ACTR5: variants seen among roughly 807,000 people sequenced by gnomAD.
ACTR5 encodes actin-related protein 5.
ACTR5 carries 43 observed loss-of-function variants against 61.2 expected under a neutral mutation model. The observed-to-expected ratio is 0.70, with a 90% CI of 0.55 to 0.91. ACTR5 has a LOEUF of 0.91. Ranked by LOEUF, ACTR5 falls within the 40% of genes least tolerant of loss-of-function variation. ACTR5 has a pLI of 0.00. For synonymous variants in ACTR5, 333 were observed against 310.5 expected (o/e 1.07, Z -0.76); for missense variants, 798 against 782.2 (o/e 1.02, Z -0.24).
At position 38,752,152 on chromosome 20, in the gene ACTR5, G is replaced by A; in HGVS notation, c.627G>A (p.Lys209=). ...ATAGATTAGATGCTAAAAACTGCAA[G>A]CGCATCAATCTTGGAGGAAGCCAAG... ...LEGRLDAKNC[K]RINLGGSQAA... is the part of the protein sequence containing the mutation. Residue 209 remains lysine, a synonymous_variant, in exon 3 of 9, where the codon AAG becomes AAA. Transcript: ENST00000243903. 1 of 1,613,646 alleles carries A rather than the reference G, an allele frequency of 6.2e-7. No individual in the cohort carries two copies. The highest frequency in any genetic ancestry group is 8.5e-7 in the Non-Finnish European group (1 of 1,179,678).
chr20:38,753,394 CA>C (rs1251732724), intron 3 of ACTR5, among the ~76,000 whole-genome samples: 3 of 150,332 alleles, frequency 2.0e-5, no homozygotes, highest in African/African-American at 7.4e-5. Flanking sequence ...ATACACTCAA[CA>C]ACTTGAATGA....
At position 38,750,201 on chromosome 20, in the gene ACTR5, A is replaced by T; in HGVS notation, c.567A>T (p.Gly189=). 1 of 1,614,224 alleles carries T rather than the reference A, an allele frequency of 6.2e-7. No individual in the cohort carries two copies. The highest frequency in any genetic ancestry group is 8.5e-7 in the Non-Finnish European group (1 of 1,180,042). Reference sequence around the variant, plus strand: ...GCAGTGGGCTAATCATTTCATCTGGATACCAGTGTACGCATGTTTTACCCA... The same window carrying T: ...GCAGTGGGCTAATCATTTCATCTGGTTACCAGTGTACGCATGTTTTACCCA... ...SMCSGLIISS[G]YQCTHVLPIL... The change falls in exon 2 of 9, where the codon GGA becomes GGT. Residue 189 remains glycine, a synonymous_variant. Coordinates refer to ENST00000243903, the MANE Select transcript of ACTR5 (RefSeq NM_024855.4).
chr20:38,750,356 G>T lies in ACTR5; in HGVS notation c.605+117G>T, dbSNP rs1012612555. 4 of 850,306 alleles carry T rather than the reference G, an allele frequency of 4.7e-6. No homozygotes were observed. The African/African-American group carries it at 6.8e-5, about 15-fold the overall frequency. 52.7% of individuals were successfully genotyped at this position (850,306 alleles called of 1,614,324 possible). On this transcript the variant is annotated intron_variant, in intron 2 of 8. Coordinates refer to ENST00000243903, the MANE Select transcript of ACTR5 (RefSeq NM_024855.4). ...CAAGTACTAGCCTGTGAACTGAGCC[G>T]TTGGGCTTAGCTTTGAACTACCTCA... is the stretch of plus-strand genomic sequence containing the variant.
In ACTR5 at chr20:38,748,575, C is replaced by G; in HGVS notation, c.97C>G (p.Leu33Val). ...PVAHGPLPVP[L>V]VLDNGSFQVR... ...GGCACACGGGCCACTGCCGGTACCG[C>G]TGGTGCTGGACAACGGGTCGTTCCA... The change falls in exon 1 of 9, where the codon CTG becomes GTG. Residue 33 changes from leucine to valine, a missense_variant. Transcript: ENST00000243903. 1 of 1,521,584 alleles carries G rather than the reference C, an allele frequency of 6.6e-7. No individual in the cohort carries two copies. The highest frequency in any genetic ancestry group is 8.8e-7 in the Non-Finnish European group (1 of 1,137,402). The allele number at this position is 1,521,584 out of a possible 1,614,324, so 94.3% of individuals were successfully genotyped here.
At chr20:38,765,318 C>T in intron 5 of ACTR5, 84 bp from the exon 6 acceptor site, 1 of 942,264 alleles carries the variant, frequency 1.1e-6, no homozygotes, top group Non-Finnish European at 1.7e-6. Flanking sequence ...GGGCAAGATC[C>T]CAGTTCTTTT....
At chr20:38,763,828 T>C (rs1474065360) in intron 5 of ACTR5, among the ~76,000 whole-genome samples, 1 of 152,222 alleles carries the variant, frequency 6.6e-6, no homozygotes, top group Non-Finnish European at 1.5e-5. Context: ...CAAGGTTCTT[T>C]AGATTCGTGT....
intron 3 of ACTR5, 45 bp downstream of exon 3, chr20:38,752,345 C>A: frequency 6.5e-7 from 1 of 1,534,986 alleles, no homozygotes. Context: ...TGTTGTCTAC[C>A]TTGTATTCCT....
intron 3 of ACTR5, among the ~76,000 whole-genome samples, chr20:38,753,428 TA>T (rs750748510): frequency 3.4e-3 from 459 of 136,512 alleles, no homozygotes; most frequent in Middle Eastern, 3.6e-3. Context: ...TGATGTTGAG[TA>T]AAAAAAAAAA....
intron 5 of ACTR5, among the ~76,000 whole-genome samples, chr20:38,764,384 T>C (rs572315287): frequency 6.6e-6 from 1 of 152,312 alleles, no homozygotes; most frequent in Admixed American, 6.5e-5. Context: ...CCAGAACTTC[T>C]CTCCATTGAG....
intron 5 of ACTR5, among the ~76,000 whole-genome samples, chr20:38,759,114 G>A (rs6027817): frequency 2.0e-5 from 3 of 152,170 alleles, no homozygotes; most frequent in Non-Finnish European, 4.4e-5. Flanking sequence ...AGGGTAGGAG[G>A]GGGGAGAACA....
At chr20:38,750,611 T>G (rs991648589) in intron 2 of ACTR5, among the ~76,000 whole-genome samples, 8 of 131,834 alleles carry the variant, frequency 6.1e-5, no homozygotes, top group African/African-American at 1.5e-4. Context: ...TTTTTGTTTT[T>G]TTTTTGTTTT....
At chr20:38,763,490 C>G (rs1035104382) in intron 5 of ACTR5, among the ~76,000 whole-genome samples, 1 of 152,224 alleles carries the variant, frequency 6.6e-6, no homozygotes, top group African/African-American at 2.4e-5. Context: ...TCATTCATCT[C>G]TTGTATTACC....
At position 38,765,434 on chromosome 20, in the gene ACTR5, G is replaced by A. The variant is rs951815903; in HGVS notation, c.1209G>A (p.Leu403=). 1.9e-6 allele frequency: 3 copies of A among 1,614,124 alleles called. No individual in the cohort carries two copies. Among genetic ancestry groups the A allele is most frequent in the Non-Finnish European group, 2.5e-6 (3 of 1,180,016 alleles). The change falls in exon 6 of 9, where the codon TTG becomes TTA. Residue 403 remains leucine (L), a synonymous_variant. Transcript: ENST00000243903. ...TPDLEQLEPS[L]EDVESMNDFD... ...ACCTGGAGCAGCTGGAGCCGTCTTT[G>A]GAAGATGTGGAAAGCATGAATGATT...
chr20:38,766,247 A>T lies in ACTR5; in HGVS notation c.1303A>T (p.Asn435Tyr), dbSNP rs761040258. The T allele has an allele frequency of 6.2e-7, 1 of 1,608,590 alleles. No individual in the cohort carries two copies. Among genetic ancestry groups the T allele is most frequent in the Non-Finnish European group, 8.5e-7 (1 of 1,178,746 alleles). ...KPVTTVQPVF[N>Y]LAAYHQLFVG... is the part of the protein sequence containing the mutation. ...CCTTGGGTTTTTAAAGCCCGTGTTT[A>T]ACTTGGCAGCATATCATCAGCTATT... Residue 435 changes from asparagine to tyrosine, a missense_variant, in exon 7 of 9, where the codon AAC (asparagine) becomes TAC (tyrosine). Coordinates refer to ENST00000243903, the MANE Select transcript of ACTR5 (RefSeq NM_024855.4).
At chr20:38,753,336 T>C (rs2084398265) in intron 3 of ACTR5, among the ~76,000 whole-genome samples, 1 of 152,174 alleles carries the variant, frequency 6.6e-6, no homozygotes, top group Non-Finnish European at 1.5e-5. Flanking sequence ...GCTTTCTCTT[T>C]ATAATCATAT....
Position 38,755,847 on chromosome 20 carries a change from CTG to C in ACTR5, c.994-8_994-7del. On this transcript the variant is annotated splice_region_variant and splice_polypyrimidine_tract_variant and intron_variant, in intron 4 of 8. Transcript: ENST00000243903. ...ACTTTCCTTCCTGTTTGTGACTGCT[CTG>C]TTTTCAGGAACTTCTAGAGGATGGC... 6.2e-7 allele frequency: 1 copy of C among 1,613,936 alleles called. No homozygotes were observed. The highest frequency in any genetic ancestry group is 8.5e-7 in the Non-Finnish European group (1 of 1,179,970).
intron 3 of ACTR5, among the ~76,000 whole-genome samples, 158 bp downstream of exon 3, chr20:38,752,458 G>T (rs912858618): frequency 1.3e-5 from 2 of 152,100 alleles, no homozygotes; most frequent in Non-Finnish European, 2.9e-5. Flanking sequence ...GATAACTTAT[G>T]TTGTATAGGT....
intron 3 of ACTR5, among the ~76,000 whole-genome samples, chr20:38,754,693 A>G (rs958451735): frequency 3.3e-5 from 5 of 151,980 alleles, no homozygotes; most frequent in African/African-American, 7.2e-5. Context: ...CACTCCAGCT[A>G]GGTGACAGGG....
At position 38,765,414 on chromosome 20, in the gene ACTR5, G is replaced by C; in HGVS notation, c.1189G>C (p.Glu397Gln). 1 of 1,614,114 alleles carries C rather than the reference G, an allele frequency of 6.2e-7. No homozygotes were observed. Among genetic ancestry groups the C allele is most frequent in the Non-Finnish European group, 8.5e-7 (1 of 1,179,994 alleles). Residue 397 changes from glutamate (E) to glutamine (Q), a missense_variant, in exon 6 of 9, where the codon GAG becomes CAG. Transcript: ENST00000243903. ...CTCCTTCTCTTAGACCCCTGACCTGGAGCAGCTGGAGCCGTCTTTGGAAGA... is the reference window on the plus strand; with the variant it reads ...CTCCTTCTCTTAGACCCCTGACCTGCAGCAGCTGGAGCCGTCTTTGGAAGA... The part of the protein sequence containing the change: ...VDSKPETPDL[E>Q]QLEPSLEDVE...
Sources: gnomAD v4.1 joint callset for allele counts (sites outside exome capture counted in the v4.1 genomes callset) on GRCh38, gnomAD v4.1.1 for gene constraint, MANE v1.5 for transcripts, NCBI Gene and HGNC (gene_info 2026-07-23, HGNC 2026-07-21) for gene names.